ZBTB20: variants seen among roughly 807,000 people sequenced by gnomAD.
The protein encoded by ZBTB20 is zinc finger and BTB domain-containing protein 20.
Under a neutral mutation model 56.9 loss-of-function variants are expected in ZBTB20, and 9 were observed. The ratio of observed to expected loss-of-function variants is 0.16; its 90% CI spans 0.10 to 0.28. The LOEUF (loss-of-function observed/expected upper bound fraction) is 0.28. Among genes scored for constraint, ZBTB20 ranks in the 10% least tolerant of loss-of-function variants. The probability of loss-of-function intolerance (pLI) is 1.00; values close to 1 mark genes in which losing one functional copy is unlikely to be tolerated. For missense variants in ZBTB20, 655 were observed against 1,003.0 expected (o/e 0.65, Z 4.69); for synonymous variants, 417 against 420.7 (o/e 0.99, Z 0.11).
At chr3:115,112,894 T>TA (rs769401496) in intron 1 of ZBTB20, among the ~76,000 whole-genome samples, 21 of 152,146 alleles carry the variant, frequency 1.4e-4, no homozygotes, top group Non-Finnish European at 2.8e-4. Context: ...GGGCTGTACT[T>TA]ATATACATTC....
chr3:114,472,487 A>C (rs1306744108), intron 7 of ZBTB20, among the ~76,000 whole-genome samples: 1 of 152,200 alleles, frequency 6.6e-6, no homozygotes, highest in Non-Finnish European at 1.5e-5. Flanking sequence ...AGGCGGGCAC[A>C]TCACCTGAGG....
intron 6 of ZBTB20, chr3:114,599,280 T>C (rs2056580242): frequency 6.6e-6 from 1 of 152,100 alleles, no homozygotes; most frequent in Non-Finnish European, 1.5e-5. Flanking sequence ...CTCAGAAATG[T>C]TCTTCTCTTC....
intron 3 of ZBTB20, among the ~76,000 whole-genome samples, chr3:114,942,964 A>G (rs922449195): frequency 6.9e-6 from 1 of 145,216 alleles, no homozygotes; most frequent in Non-Finnish European, 1.5e-5. Context: ...TTCTTTTTCC[A>G]CTTTTAACCC....
chr3:114,840,014 A>G, intron 4 of ZBTB20, among the ~76,000 whole-genome samples: 1 of 152,210 alleles, frequency 6.6e-6, no homozygotes, highest in East Asian at 1.9e-4. Context: ...CAACCCTAGT[A>G]AATTAATACA....
At chr3:114,475,237 C>G (rs1387476998) in intron 7 of ZBTB20, among the ~76,000 whole-genome samples, 4 of 152,000 alleles carry the variant, frequency 2.6e-5, no homozygotes, top group Admixed American at 6.6e-5. Context: ...TCAAATCCTG[C>G]TTGTTTTTCA....
At chr3:114,625,819 T>C (rs957527140) in intron 6 of ZBTB20, among the ~76,000 whole-genome samples, 1 of 151,662 alleles carries the variant, frequency 6.6e-6, no homozygotes, top group Non-Finnish European at 1.5e-5. Context: ...AGAGGGAAAA[T>C]AAAATAGATA....
intron 11 of ZBTB20, among the ~76,000 whole-genome samples, chr3:114,346,315 G>A (rs1339740782): frequency 6.6e-6 from 1 of 152,164 alleles, no homozygotes; most frequent in African/African-American, 2.4e-5. Flanking sequence ...TAGTAGGGGC[G>A]AAAAGTAATA....
chr3:114,571,507 G>C (rs777603110), intron 6 of ZBTB20, among the ~76,000 whole-genome samples: 1 of 152,142 alleles, frequency 6.6e-6, no homozygotes, highest in African/African-American at 2.4e-5. Flanking sequence ...GCCTTCAGCG[G>C]GGTGGGGTGA....
intron 5 of ZBTB20, among the ~76,000 whole-genome samples, chr3:114,722,715 T>C (rs543228417): frequency 6.6e-6 from 1 of 152,306 alleles, no homozygotes; most frequent in African/African-American, 2.4e-5. Context: ...CTTCCATCCT[T>C]TTCTCAGTTG....
chr3:114,921,241 G>A (rs1353217118), intron 3 of ZBTB20, among the ~76,000 whole-genome samples: 1 of 152,062 alleles, frequency 6.6e-6, no homozygotes, highest in Admixed American at 6.6e-5. Context: ...TCCTGCTTCA[G>A]CTTCCCAAGT....
At chr3:114,477,464 C>T (rs570476009) in intron 7 of ZBTB20, among the ~76,000 whole-genome samples, 1 of 149,542 alleles carries the variant, frequency 6.7e-6, no homozygotes, top group South Asian at 2.1e-4. Flanking sequence ...CTCTAAGCTA[C>T]TGAAAATGAC....
chr3:115,083,493 C>T (rs1215203734), intron 1 of ZBTB20, among the ~76,000 whole-genome samples: 1 of 151,898 alleles, frequency 6.6e-6, no homozygotes, highest in Admixed American at 6.6e-5. Flanking sequence ...GATTACAATA[C>T]CTATGTTTGT....
chr3:114,694,147 A>G (rs188719796), intron 5 of ZBTB20, among the ~76,000 whole-genome samples: 9 of 152,174 alleles, frequency 5.9e-5, no homozygotes, highest in Non-Finnish European at 1.3e-4. Context: ...TAAATGTATA[A>G]TATTATATTC....
At chr3:114,515,214 T>C (rs1577219439) in intron 6 of ZBTB20, among the ~76,000 whole-genome samples, 1 of 152,216 alleles carries the variant, frequency 6.6e-6, no homozygotes, top group African/African-American at 2.4e-5. Flanking sequence ...TTTCTCACCC[T>C]GACTTTTTGG....
intron 10 of ZBTB20, among the ~76,000 whole-genome samples, chr3:114,361,695 T>TA (rs2081906436): frequency 6.6e-6 from 1 of 152,198 alleles, no homozygotes; most frequent in Admixed American, 6.5e-5. Context: ...GCTTTGGAGT[T>TA]AGAGAATTGG....
At chr3:115,102,297 T>C (rs2083607680) in intron 1 of ZBTB20, among the ~76,000 whole-genome samples, 2 of 152,138 alleles carry the variant, frequency 1.3e-5, no homozygotes, top group African/African-American at 4.8e-5. Context: ...GTAGAGAAAC[T>C]TTTCCAAAAT....
intron 5 of ZBTB20, among the ~76,000 whole-genome samples, chr3:114,724,041 T>TTTTTGTATTTTTAGTA (rs2065100382): frequency 6.6e-6 from 1 of 151,748 alleles, no homozygotes; most frequent in Admixed American, 6.6e-5. Context: ...GCTAATTTTT[T>TTTTTGTATTTTTAGTA]TTTTTGTATT....
intron 1 of ZBTB20, among the ~76,000 whole-genome samples, chr3:115,119,980 T>C (rs73859718): frequency 0.097 from 14,630 of 151,578 alleles, 2,090 homozygotes; most frequent in African/African-American, 0.31. Context: ...GGCAAAACTA[T>C]GGAGACAGCT....
Position 114,612,735 on chromosome 3 carries a change from A to C in ZBTB20, c.-295+80793T>G, listed in dbSNP as rs116032231. 2.7e-3 allele frequency among the ~76,000 whole-genome samples: 418 copies of C among 152,260 alleles called. 2 individuals are homozygous for C. The highest frequency in any genetic ancestry group is 9.0e-3 in the African/African-American group (376 of 41,562). The stretch of plus-strand genomic sequence containing the variant: ...GGATGTTGTCAGCACTAGCCTAGGG[A>C]TAGGGTAGGTTTAGGGCCACTGAGA... On this transcript the variant is annotated intron_variant, in intron 6 of 11. Transcript: ENST00000675478.
Sources: gnomAD v4.1 joint callset for allele counts (sites outside exome capture counted in the v4.1 genomes callset) on GRCh38, gnomAD v4.1.1 for gene constraint, MANE v1.5 for transcripts, NCBI Gene and HGNC (gene_info 2026-07-23, HGNC 2026-07-21) for gene names.